Variants in FBN3 observed in about 807,000 individuals in gnomAD.
The protein encoded by FBN3 is fibrillin 3.
FBN3 carries 234 observed loss-of-function variants against 330.1 expected under a neutral mutation model. The observed-to-expected ratio is 0.71, with a 90% CI of 0.64 to 0.79. FBN3 has a LOEUF of 0.79. Among genes scored for constraint, FBN3 ranks in the 30% least tolerant of loss-of-function variants. The pLI, the probability that FBN3 is intolerant of heterozygous loss-of-function variation, is 0.00. For synonymous variants in FBN3, 1,458 were observed against 1,517.3 expected (o/e 0.96, Z 0.91); for missense variants, 3,606 against 3,886.9 (o/e 0.93, Z 1.92).
rs754827906 is a variant in FBN3 at position 8,129,410 on chromosome 19, T to C, written c.2045-45A>G. On this transcript the variant is annotated intron_variant, in intron 16 of 63. Transcript: ENST00000600128. This position sits in a 1 kb window ranked among gnomAD's most constrained non-coding sequence, Gnocchi z 4.5. ...TGTCAGCAGCAGCAGAAGGAGGGTG[T>C]GTCCGAGGCAGGAGGAGGGTGTGTC... is the stretch of plus-strand genomic sequence containing the variant. 6 of 1,606,628 alleles carry C rather than the reference T, an allele frequency of 3.7e-6. No individual in the cohort carries two copies. Among genetic ancestry groups the C allele is most frequent in the Non-Finnish European group, 5.1e-6 (6 of 1,175,940 alleles).
rs760808197 is a variant in FBN3 at position 8,075,112 on chromosome 19, G to A, written c.7661C>T (p.Pro2554Leu). ...CTGGGAGTGCTGGGTGAAACCCTGG[G>A]GGCAGCTGCAGCGGTAGCCCCCTAG... ...NQLGGYRCSC[P>L]QGFTQHSQWA... The change falls in exon 61 of 64, where the codon CCC becomes CTC. Residue 2554 changes from proline to leucine, a missense_variant. By Grantham distance (98) the Pro-to-Leu change is moderately conservative. Coordinates refer to ENST00000600128, the MANE Select transcript of FBN3 (RefSeq NM_032447.5). The A allele has an allele frequency of 1.3e-6, 2 of 1,594,474 alleles. No individual in the cohort carries two copies. The highest frequency in any genetic ancestry group is 1.1e-5 in the South Asian group (1 of 88,332).
At chr19:8,097,534 A>G (rs1436790547) in intron 41 of FBN3, 120 bp from the exon 42 acceptor site, 6 of 1,136,292 alleles carry the variant, frequency 5.3e-6, no homozygotes, top group Non-Finnish European at 7.1e-6. Context: ...AAACCAGCAC[A>G]CACTCAAGAA....
chr19:8,107,086 G>T (rs1295716221), intron 37 of FBN3, among the ~76,000 whole-genome samples: 1 of 151,394 alleles, frequency 6.6e-6, no homozygotes. Flanking sequence ...GGATGAATGG[G>T]TGGATGGGGC....
In FBN3 at chr19:8,149,071, C is replaced by T. The variant is rs2083616950; in HGVS notation, c.-18+378G>A. Among the ~76,000 whole-genome samples, 1 of 152,188 alleles carries T rather than the reference C, an allele frequency of 6.6e-6. No individual in the cohort carries two copies. Among genetic ancestry groups the T allele is most frequent in the Non-Finnish European group, 1.5e-5 (1 of 68,022 alleles). ...ATGAGCAGAGAAGGCGCGCCCGGCA[C>T]GGGGTGTGGAGGCTGAGGGCCAAAC... is the stretch of plus-strand genomic sequence containing the variant. On this transcript the variant is annotated intron_variant, in intron 1 of 63. Coordinates refer to ENST00000600128, the MANE Select transcript of FBN3 (RefSeq NM_032447.5). The surrounding 1 kb of genome is among the most constrained non-coding windows in gnomAD (Gnocchi z 5.5).
rs748823975 is a variant in FBN3 at position 8,090,177 on chromosome 19, T to TAA, written c.6105_6106insTT (p.Lys2036LeufsTer51). On this transcript the variant is annotated frameshift_variant, in exon 49 of 64. Coordinates refer to ENST00000600128, the MANE Select transcript of FBN3 (RefSeq NM_032447.5). LOFTEE classifies it high-confidence loss of function. ...CTCTTACTGCAGCAGCAGCGGGTCTTGGTGGTGTTGAAAGCTTTGGGCACC... is the reference window on the plus strand; with the variant it reads ...CTCTTACTGCAGCAGCAGCGGGTCTTAAGGTGGTGTTGAAAGCTTTGGGCACC... 2 of 1,613,584 alleles carry TAA rather than the reference T, an allele frequency of 1.2e-6. No individual in the cohort carries two copies. Among genetic ancestry groups the TAA allele is most frequent in the African/African-American group, 2.7e-5 (2 of 74,800 alleles).
In FBN3 at chr19:8,111,787, C is replaced by T. The variant is rs757490335; in HGVS notation, c.3962-17G>A. On this transcript the variant is annotated splice_polypyrimidine_tract_variant and intron_variant, in intron 31 of 63. Transcript: ENST00000600128. ...CATCCAGGTCTGCAGGAGATGGAGC[C>T]CAGACCCCCCACCCCATGGTGTGTG... is the stretch of plus-strand genomic sequence containing the variant. 1.5e-5 allele frequency: 24 copies of T among 1,610,296 alleles called. No homozygotes were observed. Among genetic ancestry groups the T allele is most frequent in the Non-Finnish European group, 2.0e-5 (24 of 1,177,746 alleles).
Position 8,100,778 on chromosome 19 carries a change from C to T in FBN3, c.5161+123G>A, listed in dbSNP as rs1281489083. The T allele has an allele frequency of 1.1e-5, 8 of 725,576 alleles. No individual in the cohort carries two copies. The East Asian group carries it at 1.7e-4, about 15-fold the overall frequency. The allele number at this position is 725,576 out of a possible 1,614,324, so 44.9% of individuals were successfully genotyped here. On this transcript the variant is annotated intron_variant, in intron 41 of 63. Transcript: ENST00000600128. ...CCTGGGGAGTTGGAGGTGTGTGGAG[C>T]GAGGAGGAGGGGAGGATGGAGGAGT...
At chr19:8,102,895 A>C (rs1249892544) in intron 39 of FBN3, 22 bp from the exon 40 acceptor site, 2 of 1,613,312 alleles carry the variant, frequency 1.2e-6, no homozygotes. Flanking sequence ...ACAAAGGAGA[A>C]GAATGTGGGT....
At chr19:8,144,574 CT>C (rs981716757) in intron 6 of FBN3, among the ~76,000 whole-genome samples, 16 of 151,668 alleles carry the variant, frequency 1.1e-4, no homozygotes, top group Non-Finnish European at 1.2e-4. Context: ...CAACCCTTGT[CT>C]TAGCCTTGAC....
At chr19:8,104,025 C>A (rs1261682806) in intron 38 of FBN3, among the ~76,000 whole-genome samples, 1 of 151,678 alleles carries the variant, frequency 6.6e-6, no homozygotes, top group Admixed American at 6.6e-5. Flanking sequence ...GCAGTCCCAG[C>A]CACTTGGGAG....
chr19:8,086,813 G>A (rs8103511), intron 54 of FBN3, among the ~76,000 whole-genome samples: 6,635 of 149,968 alleles, frequency 0.044, 451 homozygotes, highest in African/African-American at 0.15. Context: ...TCACTCTGTC[G>A]TCCAGGCTGG....
At chr19:8,125,562 G>A (rs1376068779) in intron 22 of FBN3, among the ~76,000 whole-genome samples, 7 of 152,132 alleles carry the variant, frequency 4.6e-5, no homozygotes, top group East Asian at 1.9e-4. Context: ...AGGCCGAGGC[G>A]GGCAGATCAC....
Position 8,141,726 on chromosome 19 carries a change from C to T in FBN3, c.856G>A (p.Ala286Thr), listed in dbSNP as rs201324609. 2.8e-5 allele frequency: 45 copies of T among 1,612,548 alleles called. No homozygotes were observed. Among genetic ancestry groups the T allele is most frequent in the East Asian group, 1.6e-4 (7 of 44,880 alleles). Residue 286 changes from alanine (A) to threonine (T), a missense_variant, in exon 8 of 64, where the codon GCA becomes ACA. Coordinates refer to ENST00000600128, the MANE Select transcript of FBN3 (RefSeq NM_032447.5). The stretch of plus-strand genomic sequence containing the variant: ...CCCTCCAGTCACCCACCTTCACATG[C>T]GGCGCTGCTGTCACTGAGCCGGTGT... The part of the protein sequence containing the change: ...VGHRLSDSSA[A>T]CEDYRAGACF...
rs772683728 is a variant in FBN3, at chr19:8,131,666, C to T, written c.1878G>A (p.Lys626=). The change falls in exon 15 of 64, where the codon AAG becomes AAA. Residue 626 remains lysine, a synonymous_variant. Coordinates refer to ENST00000600128, the MANE Select transcript of FBN3 (RefSeq NM_032447.5). This position sits in a 1 kb window ranked among gnomAD's most constrained non-coding sequence, Gnocchi z 4.5. ...CAGGGAAGGGGCGGGCACAGGAGCC[C>T]TTCTCGATGGCCCCATAGCAGGTGC... The part of the protein sequence containing the change: ...VRSTCYGAIE[K]GSCARPFPGT... 3.1e-6 allele frequency: 5 copies of T among 1,614,236 alleles called. No individual in the cohort carries two copies. Among genetic ancestry groups the T allele is most frequent in the Non-Finnish European group, 4.2e-6 (5 of 1,180,042 alleles).
intron 13 of FBN3, 25 bp downstream of exon 13, chr19:8,135,936 G>GGGGGGGGGGGGGGGGCGCCCCCCCCC: frequency 3.0e-6 from 2 of 668,772 alleles, no homozygotes; most frequent in Non-Finnish European, 2.4e-6. Flanking sequence ...GGAAGCCCCT[G>GGGGGGGGGGGGGGGGCGCCCCCCCCC]CCCACCCGCC....
chr19:8,139,689 G>C (rs1317447253), intron 8 of FBN3, among the ~76,000 whole-genome samples: 5 of 151,966 alleles, frequency 3.3e-5, no homozygotes, highest in East Asian at 1.9e-4. Context: ...AGGCTCCCCA[G>C]GTATGAGAAC....
intron 26 of FBN3, among the ~76,000 whole-genome samples, chr19:8,118,123 G>A (rs2082751997): frequency 6.6e-6 from 1 of 151,398 alleles, no homozygotes; most frequent in South Asian, 2.1e-4. Flanking sequence ...ACCTGTCCTT[G>A]TGCAAACACA....
At chr19:8,112,643 C>T (rs2082616985) in intron 30 of FBN3, among the ~76,000 whole-genome samples, 2 of 152,020 alleles carry the variant, frequency 1.3e-5, no homozygotes, top group African/African-American at 4.8e-5. Context: ...GAGTGAGACT[C>T]CGTCTCAAAA....
At position 8,065,768 on chromosome 19, in the gene FBN3, G is replaced by T; in HGVS notation, c.*151C>A. 1.4e-6 allele frequency: 1 copy of T among 701,604 alleles called. No homozygotes were observed. 43.5% of individuals were successfully genotyped at this position (701,604 alleles called of 1,614,324 possible). A position where few individuals can be genotyped will look rare whatever the true frequency, so the allele number is the denominator to read the frequency against. ...GGGCTGGCACAGAGGCCCAGGCAGA[G>T]GCCGGGCTTGCCTGAGGTTGTCGTG... On this transcript the variant is annotated 3_prime_UTR_variant, in exon 64 of 64. Coordinates refer to ENST00000600128, the MANE Select transcript of FBN3 (RefSeq NM_032447.5).
Sources: allele counts gnomAD v4.1 joint callset (sites outside exome capture counted in the v4.1 genomes callset), GRCh38; gene constraint gnomAD v4.1.1; non-coding constraint Gnocchi (gnomAD v3.1); transcripts MANE v1.5; gene names NCBI Gene and HGNC (gene_info 2026-07-23, HGNC 2026-07-21).